Variants in OSBPL11 observed in about 807,000 individuals in gnomAD.
The protein encoded by OSBPL11 is oxysterol binding protein like 11.
OSBPL11 carries 33 observed loss-of-function variants against 84.4 expected under a neutral mutation model. The observed-to-expected ratio is 0.39, with a 90% CI of 0.30 to 0.52. OSBPL11 has a LOEUF of 0.52. Ranked by LOEUF, OSBPL11 falls within the 20% of genes least tolerant of loss-of-function variation. OSBPL11 has a pLI of 0.72. For synonymous variants in OSBPL11, 276 were observed against 310.2 expected, an observed-to-expected ratio of 0.89 and a Z score of 1.16; for missense variants, 736 against 901.1, an observed-to-expected ratio of 0.82 and a Z score of 2.35.
chr3:125,569,410 ATGAAC>A (rs1936210875), intron 5 of OSBPL11, among the ~76,000 whole-genome samples: 1 of 152,220 alleles, frequency 6.6e-6, no homozygotes, highest in African/African-American at 2.4e-5. Context: ...TCATAAGAGG[ATGAAC>A]TGTATGTAGG....
chr3:125,578,866 G>A (rs759165374), intron 4 of OSBPL11, 94 bp downstream of exon 4: 42 of 648,222 alleles, frequency 6.5e-5, no homozygotes, highest in Non-Finnish European at 1.0e-4. Context: ...TGAATTTTAC[G>A]GTATATGAAT....
At chr3:125,573,760 C>T (rs1936276133) in intron 5 of OSBPL11, among the ~76,000 whole-genome samples, 2 of 149,452 alleles carry the variant, frequency 1.3e-5, no homozygotes, top group Non-Finnish European at 1.5e-5. Flanking sequence ...TAATCTCAGC[C>T]ATGTGGGAGG....
At chr3:125,557,943 C>A (rs535212342) in intron 8 of OSBPL11, among the ~76,000 whole-genome samples, 2 of 151,918 alleles carry the variant, frequency 1.3e-5, no homozygotes, top group African/African-American at 4.8e-5. Flanking sequence ...CAGTCGTGCA[C>A]CACCATGCCC....
Position 125,594,671 on chromosome 3 carries a change from T to C in OSBPL11, c.130A>G (p.Ser44Gly). 6.2e-7 allele frequency: 1 copy of C among 1,611,976 alleles called. No homozygotes were observed. Among genetic ancestry groups the C allele is most frequent in the Non-Finnish European group, 8.5e-7 (1 of 1,178,824 alleles). Residue 44 changes from serine (S) to glycine (G), a missense_variant, in exon 1 of 13, where the codon AGC (serine) becomes GGC (glycine). By Grantham distance (56) the Ser-to-Gly change is moderately conservative. Around this residue, in one of 3 missense-constraint regions of OSBPL11, gnomAD observed 114 missense variants for 104.9 expected, o/e 1.09. Coordinates refer to ENST00000296220, the MANE Select transcript of OSBPL11 (RefSeq NM_022776.5). ...CAGCCTTTTGCACTGCCACCGCGGC[T>C]GCTGCTGCTGCTACTGATTCCACCT... ...CGGGISSSSS[S>G]RGGSAKGWQY...
Position 125,552,136 on chromosome 3 carries a change from T to A in OSBPL11, c.1654+45A>T, listed in dbSNP as rs762878129. 1.1e-5 allele frequency: 11 copies of A among 993,434 alleles called. No individual in the cohort carries two copies. The African/African-American group carries it at 2.6e-4, about 23-fold the overall frequency. 61.5% of individuals were successfully genotyped at this position (993,434 alleles called of 1,614,324 possible). ...AAAAAAAAATACATATATATATGTG[T>A]GTGTGTATATATATATATATATATA... On this transcript the variant is annotated intron_variant, in intron 9 of 12. Transcript: ENST00000296220.
At chr3:125,570,330 CAAAA>C (rs1251584217) in intron 5 of OSBPL11, among the ~76,000 whole-genome samples, 1 of 119,328 alleles carries the variant, frequency 8.4e-6, no homozygotes. Flanking sequence ...CCATCTCTAG[CAAAA>C]AAAAAAAAAA....
chr3:125,593,878 G>A (rs995402470), intron 1 of OSBPL11, among the ~76,000 whole-genome samples: 6 of 151,966 alleles, frequency 3.9e-5, no homozygotes, highest in African/African-American at 1.2e-4. Flanking sequence ...GGGATGTGCT[G>A]GTTTGTTTCA....
At chr3:125,563,972 C>A in intron 6 of OSBPL11, 129 bp from the exon 7 acceptor site, 1 of 927,116 alleles carries the variant, frequency 1.1e-6, no homozygotes, top group Non-Finnish European at 1.6e-6. Flanking sequence ...AGAGACCCTG[C>A]AAGACAGCCA....
chr3:125,543,390 C>T (rs548302965), intron 10 of OSBPL11, among the ~76,000 whole-genome samples: 3 of 151,616 alleles, frequency 2.0e-5, no homozygotes, highest in Admixed American at 6.6e-5. Flanking sequence ...ACTCGGCCTC[C>T]CAAAGTACTG....
At chr3:125,588,623 G>A (rs1027060741) in intron 1 of OSBPL11, among the ~76,000 whole-genome samples, 1 of 152,174 alleles carries the variant, frequency 6.6e-6, no homozygotes, top group African/African-American at 2.4e-5. Context: ...TAGGCAAAAA[G>A]TATCCTCCCA....
intron 5 of OSBPL11, among the ~76,000 whole-genome samples, chr3:125,569,556 C>T (rs1010387484): frequency 6.6e-6 from 1 of 152,114 alleles, no homozygotes; most frequent in African/African-American, 2.4e-5. Context: ...CACGCAGAAC[C>T]ACTCTGAAAT....
intron 11 of OSBPL11, among the ~76,000 whole-genome samples, chr3:125,537,337 A>G (rs931644382): frequency 1.3e-5 from 2 of 152,054 alleles, no homozygotes; most frequent in Non-Finnish European, 2.9e-5. Flanking sequence ...CCTAAGGCCC[A>G]CCAGTGCTAC....
At chr3:125,572,262 T>C (rs1936254129) in intron 5 of OSBPL11, among the ~76,000 whole-genome samples, 1 of 152,228 alleles carries the variant, frequency 6.6e-6, no homozygotes, top group Admixed American at 6.5e-5. Context: ...ATCTAGGAAG[T>C]AGCTAACTTG....
At chr3:125,560,127 G>A (rs943493942) in intron 8 of OSBPL11, among the ~76,000 whole-genome samples, 1 of 152,040 alleles carries the variant, frequency 6.6e-6, no homozygotes, top group South Asian at 2.1e-4. Flanking sequence ...TGGGCATGGT[G>A]GTGGGCACCT....
chr3:125,543,532 T>C (rs189631377), intron 10 of OSBPL11, among the ~76,000 whole-genome samples: 1 of 152,342 alleles, frequency 6.6e-6, no homozygotes, highest in Admixed American at 6.5e-5. Context: ...GTTAAAGCTG[T>C]GATCAAAAGC....
intron 10 of OSBPL11, among the ~76,000 whole-genome samples, chr3:125,539,035 C>T (rs1007309859): frequency 3.3e-5 from 5 of 151,550 alleles, no homozygotes; most frequent in Admixed American, 2.0e-4. Flanking sequence ...TTTTACTTAT[C>T]GAAATATTTG....
intron 3 of OSBPL11, 103 bp from the exon 4 acceptor site, chr3:125,579,142 TACTCTC>T (rs1347399466): frequency 2.5e-6 from 2 of 788,014 alleles, no homozygotes; most frequent in Non-Finnish European, 3.8e-6. Flanking sequence ...ATACTGGTCT[TACTCTC>T]ACTAGAGCAA....
At position 125,548,840 on chromosome 3, in the gene OSBPL11, G is replaced by T. The variant is rs200005069; in HGVS notation, c.1655-1248C>A. On this transcript the variant is annotated intron_variant, in intron 9 of 12. Coordinates refer to ENST00000296220, the MANE Select transcript of OSBPL11 (RefSeq NM_022776.5). ...TAGGATAAGCAAATAGACAAAATGA[G>T]ATTCTAAAGTAGCCTACACAAAGCA... Among the ~76,000 whole-genome samples the T allele has an allele frequency of 1.1e-4, 16 of 151,752 alleles. No individual in the cohort carries two copies. The East Asian group carries it at 2.9e-3, about 27-fold the overall frequency.
intron 6 of OSBPL11, 68 bp downstream of exon 6, chr3:125,567,326 A>G: frequency 2.3e-6 from 3 of 1,318,086 alleles, no homozygotes; most frequent in Non-Finnish European, 3.2e-6. Flanking sequence ...AATTAGAATT[A>G]CAACAAATAC....
Sources: allele counts gnomAD v4.1 joint callset (sites outside exome capture counted in the v4.1 genomes callset), GRCh38; gene constraint gnomAD v4.1.1; regional missense constraint gnomAD v4.1.1; transcripts MANE v1.5; gene names NCBI Gene and HGNC (gene_info 2026-07-23, HGNC 2026-07-21).